The following LAMA3 variants were observed in gnomAD, a reference collection of about 807,000 sequenced individuals.
The protein encoded by LAMA3 is laminin subunit alpha 3.
Under a neutral mutation model 402.0 loss-of-function variants are expected in LAMA3, and 281 were observed. The observed-to-expected ratio is 0.70, with a 90% CI of 0.63 to 0.77. The LOEUF is 0.77. Among genes scored for constraint, LAMA3 ranks in the 30% least tolerant of loss-of-function variants. The probability of loss-of-function intolerance (pLI) is 0.00; values close to 1 mark genes in which losing one functional copy is unlikely to be tolerated. For synonymous variants in LAMA3, 1,431 were observed against 1,558.4 expected (o/e 0.92, Z 1.93); for missense variants, 3,840 against 4,215.5 (o/e 0.91, Z 2.47).
At chr18:23,768,165 C>CA (rs58720366) in intron 8 of LAMA3, among the ~76,000 whole-genome samples, 3,146 of 142,152 alleles carry the variant, frequency 0.022, 46 homozygotes, top group East Asian at 0.063. Flanking sequence ...TTCTATACTA[C>CA]AAAAAAAAAA....
intron 62 of LAMA3, 27 bp downstream of exon 62, chr18:23,921,612 T>G (rs1347061048): frequency 6.2e-7 from 1 of 1,612,388 alleles, no homozygotes; most frequent in Non-Finnish European, 8.5e-7. Flanking sequence ...AAAACGAGAT[T>G]TAAAGCCTTT....
At chr18:23,709,390 G>A (rs1238143858) in intron 1 of LAMA3, among the ~76,000 whole-genome samples, 1 of 151,938 alleles carries the variant, frequency 6.6e-6, no homozygotes, top group East Asian at 1.9e-4. Context: ...GAGTTTTAAT[G>A]TAAATAATTT....
chr18:23,873,463 C>T (rs144683053), intron 38 of LAMA3, among the ~76,000 whole-genome samples: 5 of 152,092 alleles, frequency 3.3e-5, no homozygotes, highest in African/African-American at 1.2e-4. Context: ...TGAATGCTTG[C>T]GGGATGTTAA....
Position 23,689,507 on chromosome 18 carries a change from G to A in LAMA3, c.-177G>A, listed in dbSNP as rs1361432564. 1.6e-5 allele frequency: 8 copies of A among 502,762 alleles called. No individual in the cohort carries two copies. The highest frequency in any genetic ancestry group is 2.1e-5 in the Non-Finnish European group (7 of 329,118). The allele number at this position is 502,762 out of a possible 1,614,324, so 31.1% of individuals were successfully genotyped here. A position where few individuals can be genotyped will look rare whatever the true frequency, so the allele number is the denominator to read the frequency against. On this transcript the variant is annotated 5_prime_UTR_variant, in exon 1 of 75. Coordinates refer to ENST00000313654, the MANE Select transcript of LAMA3 (RefSeq NM_198129.4). The stretch of plus-strand genomic sequence containing the variant: ...GCCGCGGCAGGTTCCAGAGCTGAGA[G>A]GCCACCCCCACGCCGCGGGCTTCCA...
chr18:23,854,423 C>T lies in LAMA3; in HGVS notation c.4137-3421C>T, dbSNP rs376199281. 1.1e-3 allele frequency among the ~76,000 whole-genome samples: 174 copies of T among 151,932 alleles called. 5 individuals carry two copies. The South Asian group carries it at 0.026, about 23-fold the overall frequency. On this transcript the variant is annotated intron_variant, in intron 32 of 74. Transcript: ENST00000313654. ...TTGGGAGGCCAAGTTGGGTGGATAA[C>T]GAGGTCAGGAGATCGAGACCATCCT... is the stretch of plus-strand genomic sequence containing the variant.
rs1294659662 is a variant in LAMA3, at chr18:23,915,242, T to TA, written c.7645-46dup. ...AGTGATTAATTGATACTATTTTGAT[T>TA]ATTGTCCTTTGTTCAATTGGTGGAA... On this transcript the variant is annotated intron_variant, in intron 58 of 74. Transcript: ENST00000313654. 23 of 1,600,512 alleles carry TA rather than the reference T, an allele frequency of 1.4e-5. No homozygotes were observed. The African/African-American group carries it at 2.9e-4, about 21-fold the overall frequency.
At chr18:23,900,808 C>G (rs1348735380) in intron 47 of LAMA3, among the ~76,000 whole-genome samples, 1 of 152,160 alleles carries the variant, frequency 6.6e-6, no homozygotes, top group Non-Finnish European at 1.5e-5. Flanking sequence ...CACTTTACCC[C>G]CTGCAGCCAG....
intron 2 of LAMA3, among the ~76,000 whole-genome samples, chr18:23,736,499 A>G (rs974203568): frequency 2.0e-4 from 30 of 152,036 alleles, no homozygotes; most frequent in Middle Eastern, 3.4e-3. Context: ...GGTATAAATG[A>G]GGTGTGTACC....
chr18:23,872,892 G>A (rs2064571379), intron 38 of LAMA3: 1 of 802,834 alleles, frequency 1.2e-6, no homozygotes, highest in Non-Finnish European at 2.0e-6. Context: ...CTCTGGCACA[G>A]GCTGACTCAT....
At position 23,689,970 on chromosome 18, in the gene LAMA3, C is replaced by G. The variant is rs1258199814; in HGVS notation, c.287C>G (p.Thr96Ser). ...CCCACCGCCCCAGGCAGCGGCCACA[C>G]CATCCAGGTGAGGGCCTCGGAGAGA... is the stretch of plus-strand genomic sequence containing the variant. ...GGPTAPGSGH[T>S]IQGQFCDYCN... Residue 96 changes from threonine (T) to serine (S), a missense_variant, in exon 1 of 75, where the codon ACC (threonine) becomes AGC (serine). Coordinates refer to ENST00000313654, the MANE Select transcript of LAMA3 (RefSeq NM_198129.4). The G allele has an allele frequency of 1.3e-6, 2 of 1,500,192 alleles. No homozygotes were observed. Among genetic ancestry groups the G allele is most frequent in the Non-Finnish European group, 1.8e-6 (2 of 1,123,804 alleles). The allele number at this position is 1,500,192 out of a possible 1,614,324, so 92.9% of individuals were successfully genotyped here.
At chr18:23,736,843 A>G (rs1398522560) in intron 2 of LAMA3, among the ~76,000 whole-genome samples, 1 of 152,120 alleles carries the variant, frequency 6.6e-6, no homozygotes, top group Non-Finnish European at 1.5e-5. Flanking sequence ...AAGACCTGTC[A>G]TTGTGTGGAC....
At chr18:23,925,209 G>C (rs2081970237) in intron 62 of LAMA3, among the ~76,000 whole-genome samples, 1 of 152,238 alleles carries the variant, frequency 6.6e-6, no homozygotes, top group Admixed American at 6.5e-5. Flanking sequence ...AGGCAAGCAA[G>C]TGTAATCACT....
At chr18:23,885,322 GCCCCCCCA>G (rs2065037409) in intron 41 of LAMA3, among the ~76,000 whole-genome samples, 1 of 116,674 alleles carries the variant, frequency 8.6e-6, no homozygotes, top group African/African-American at 3.2e-5. Flanking sequence ...AGCCTAGATA[GCCCCCCCA>G]CCCCCCCACC....
chr18:23,939,123 C>A, intron 67 of LAMA3, 100 bp from the exon 68 acceptor site: 2 of 1,276,606 alleles, frequency 1.6e-6, no homozygotes, highest in Non-Finnish European at 2.3e-6. Flanking sequence ...CTACTGAATT[C>A]CTCACTTAGG....
At position 23,783,141 on chromosome 18, in the gene LAMA3, A is replaced by C. The variant is rs112525273; in HGVS notation, c.1469-882A>C. 1.1e-3 allele frequency among the ~76,000 whole-genome samples: 166 copies of C among 152,236 alleles called. 1 individual carries two copies. Among genetic ancestry groups the C allele is most frequent in the African/African-American group, 3.7e-3 (154 of 41,530 alleles). Reference sequence around the variant, plus strand: ...CCCTCTTTGTGGCCTTTTGTCCTCAAGGAGGCCAGACTGGTCCCTCCCATG... The same window carrying C: ...CCCTCTTTGTGGCCTTTTGTCCTCACGGAGGCCAGACTGGTCCCTCCCATG... On this transcript the variant is annotated intron_variant, in intron 11 of 74. Transcript: ENST00000313654.
chr18:23,919,147 C>T (rs1460839663), intron 60 of LAMA3, among the ~76,000 whole-genome samples: 1 of 152,158 alleles, frequency 6.6e-6, no homozygotes, highest in Non-Finnish European at 1.5e-5. Context: ...GCTCATGACT[C>T]TCAGTAAATT....
At chr18:23,838,645 C>T in intron 25 of LAMA3, 136 bp from the exon 26 acceptor site, 1 of 692,540 alleles carries the variant, frequency 1.4e-6, no homozygotes, top group Non-Finnish European at 2.7e-6. Context: ...GCAATATTTA[C>T]TACTTTAAAA....
At chr18:23,828,842 C>A (rs887279547) in intron 23 of LAMA3, among the ~76,000 whole-genome samples, 3 of 152,150 alleles carry the variant, frequency 2.0e-5, no homozygotes, top group Non-Finnish European at 4.4e-5. Flanking sequence ...TTTCAATTGG[C>A]TCTTTATCAT....
At chr18:23,881,908 G>T in intron 39 of LAMA3, 28 bp from the exon 40 acceptor site, 1 of 1,447,512 alleles carries the variant, frequency 6.9e-7, no homozygotes, top group Non-Finnish European at 9.7e-7. Context: ...ACTGGCTGCT[G>T]TGAATTGTGC....
Sources: gnomAD v4.1 joint callset for allele counts (sites outside exome capture counted in the v4.1 genomes callset) on GRCh38, gnomAD v4.1.1 for gene constraint, MANE v1.5 for transcripts, NCBI Gene and HGNC (gene_info 2026-07-23, HGNC 2026-07-21) for gene names.